Variants in ZIM2 observed in about 807,000 individuals in gnomAD.
The protein encoded by ZIM2 is zinc finger imprinted 2, also known as zinc finger protein 656.
Under a neutral mutation model 38.6 loss-of-function variants are expected in ZIM2, and 14 were observed. That is an observed-to-expected ratio of 0.36 (90% CI 0.24 to 0.57). ZIM2 has a LOEUF of 0.57. ZIM2 is among the 20% of genes least tolerant of loss of function. The pLI is 0.81. For synonymous variants in ZIM2, 247 were observed against 245.8 expected (o/e 1.00, Z -0.04); for missense variants, 680 against 695.1 (o/e 0.98, Z 0.24).
chr19:56,836,230 G>A, intron 1 of ZIM2, 126 bp from the exon 2 acceptor site: 4 of 361,968 alleles, frequency 1.1e-5, no homozygotes, highest in South Asian at 8.2e-5. Flanking sequence ...ATGAGACCAT[G>A]AAAAGCATCC....
chr19:56,809,625 G>A (rs1160112115), intron 9 of ZIM2, among the ~76,000 whole-genome samples: 1 of 152,124 alleles, frequency 6.6e-6, no homozygotes, highest in Admixed American at 6.5e-5. Context: ...GAACTTGGGG[G>A]AAAAACAGTA....
chr19:56,824,124 A>AC, intron 4 of ZIM2, 138 bp downstream of exon 4: 3 of 1,389,684 alleles, frequency 2.2e-6, no homozygotes, highest in Non-Finnish European at 2.9e-6. Flanking sequence ...TCAATATCCC[A>AC]CAGTACACAG....
chr19:56,824,815 A>G, intron 3 of ZIM2: 1 of 647,982 alleles, frequency 1.5e-6, no homozygotes, highest in South Asian at 2.1e-5. Context: ...ACCTTACCAG[A>G]GGCATCGACA....
chr19:56,824,981 G>A (rs1464064206), intron 3 of ZIM2: 1 of 259,338 alleles, frequency 3.9e-6, no homozygotes, highest in Non-Finnish European at 7.4e-6. Context: ...TGGGACTGTG[G>A]GCAACTTGTC....
chr19:56,788,989 C>T (rs2046783483), intron 10 of ZIM2, among the ~76,000 whole-genome samples: 1 of 151,648 alleles, frequency 6.6e-6, no homozygotes, highest in African/African-American at 2.4e-5. Context: ...CTGTGTTTTT[C>T]AGCTCCATCA....
At chr19:56,792,728 A>G (rs2047005406) in intron 9 of ZIM2, among the ~76,000 whole-genome samples, 1 of 152,034 alleles carries the variant, frequency 6.6e-6, no homozygotes, top group Non-Finnish European at 1.5e-5. Flanking sequence ...TACTTGGGTG[A>G]CAGAATCATT....
Position 56,814,896 on chromosome 19 carries a change from C to A in ZIM2, c.490+2850G>T, listed in dbSNP as rs1485007248. 6.2e-7 allele frequency: 1 copy of A among 1,614,068 alleles called. No individual in the cohort carries two copies. Among genetic ancestry groups the A allele is most frequent in the African/African-American group, 1.3e-5 (1 of 74,910 alleles). ...ACAACTGGTCTTGTTCATGGATTCTCTGATGCTCGAAAAGGAATGAGCTAT... is the reference window on the plus strand; with the variant it reads ...ACAACTGGTCTTGTTCATGGATTCTATGATGCTCGAAAAGGAATGAGCTAT... On this transcript the variant is annotated intron_variant, in intron 9 of 12. Transcript: ENST00000629319. The surrounding 1 kb of genome is among the most constrained non-coding windows in gnomAD (Gnocchi z 5.8).
intron 6 of ZIM2, 191 bp downstream of exon 6, chr19:56,822,562 T>C (rs775167801): frequency 9.3e-6 from 6 of 643,138 alleles, no homozygotes; most frequent in Non-Finnish European, 1.6e-5. Flanking sequence ...AACAGGTCTA[T>C]GTGGTGAAAC....
chr19:56,840,394 C>G (rs2062871124), intron 1 of ZIM2, among the ~76,000 whole-genome samples, 188 bp downstream of exon 1: 1 of 152,200 alleles, frequency 6.6e-6, no homozygotes, highest in Non-Finnish European at 1.5e-5. Context: ...CTGGCCGCCA[C>G]TGTGCCCACT....
chr19:56,829,029 T>C (rs1691316854), intron 2 of ZIM2, among the ~76,000 whole-genome samples: 1 of 152,000 alleles, frequency 6.6e-6, no homozygotes, highest in African/African-American at 2.4e-5. Context: ...GCCAAGTAGA[T>C]AAAATGATAA....
chr19:56,789,453 T>C (rs1287222091), intron 10 of ZIM2, among the ~76,000 whole-genome samples: 2 of 152,146 alleles, frequency 1.3e-5, no homozygotes, highest in African/African-American at 4.8e-5. Context: ...CAGCATATTA[T>C]TTAGTCTTTC....
chr19:56,793,693 G>A (rs1306041548), intron 9 of ZIM2, among the ~76,000 whole-genome samples: 1 of 152,054 alleles, frequency 6.6e-6, no homozygotes, highest in Non-Finnish European at 1.5e-5. Flanking sequence ...TGTCCAAAAT[G>A]AAAAAGTCAG....
intron 12 of ZIM2, among the ~76,000 whole-genome samples, chr19:56,776,971 A>T (rs1262519803): frequency 6.6e-6 from 1 of 152,248 alleles, no homozygotes; most frequent in Admixed American, 6.5e-5. Context: ...CCAGAATGGG[A>T]GGAACTTCAG....
intron 9 of ZIM2, chr19:56,813,647 A>G (rs777043046): frequency 3.1e-6 from 5 of 1,592,134 alleles, no homozygotes; most frequent in Non-Finnish European, 4.3e-6. Context: ...GTCCTAGGTG[A>G]AGGTTTTCTA....
chr19:56,827,806 C>T (rs752278187), intron 2 of ZIM2, among the ~76,000 whole-genome samples: 7 of 151,990 alleles, frequency 4.6e-5, no homozygotes, highest in Non-Finnish European at 8.8e-5. Flanking sequence ...TAGTTAAGTG[C>T]AAAACCGGAC....
intron 9 of ZIM2, among the ~76,000 whole-genome samples, chr19:56,802,996 T>C (rs555405353): frequency 6.6e-6 from 1 of 152,282 alleles, no homozygotes; most frequent in East Asian, 1.9e-4. Flanking sequence ...TGGGTAATGA[T>C]CTACTTTTCC....
At chr19:56,811,524 T>C (rs2059540202) in intron 9 of ZIM2, 1 of 985,186 alleles carries the variant, frequency 1.0e-6, no homozygotes, top group African/African-American at 1.7e-5. Context: ...TTACCATTTG[T>C]TACTACCTTT....
At chr19:56,835,349 CA>C (rs961004695) in intron 2 of ZIM2, among the ~76,000 whole-genome samples, 30 of 152,216 alleles carry the variant, frequency 2.0e-4, no homozygotes, top group Admixed American at 1.0e-3. Context: ...CTTCCTACCT[CA>C]ATCAGATGCC....
At chr19:56,783,509 C>T (rs191092446) in intron 10 of ZIM2, among the ~76,000 whole-genome samples, 29 of 151,602 alleles carry the variant, frequency 1.9e-4, no homozygotes, top group Admixed American at 1.3e-3. Flanking sequence ...CTGCAGCAAC[C>T]GGAATGCAAC....
Sources: gnomAD v4.1 joint callset for allele counts (sites outside exome capture counted in the v4.1 genomes callset) on GRCh38, gnomAD v4.1.1 for gene constraint, Gnocchi (gnomAD v3.1) non-coding constraint, MANE v1.5 for transcripts, NCBI Gene and HGNC (gene_info 2026-07-23, HGNC 2026-07-21) for gene names.